Variants in AUTS2 observed in about 807,000 individuals in gnomAD.
The protein encoded by AUTS2 is activator of transcription and developmental regulator AUTS2, also known as autism susceptibility gene 2 protein.
AUTS2 carries 17 observed loss-of-function variants against 112.4 expected under a neutral mutation model. That is an observed-to-expected ratio of 0.15 (90% confidence interval 0.10 to 0.23). The LOEUF (loss-of-function observed/expected upper bound fraction) is 0.23, where lower values mean the gene tolerates loss of function less well. Among genes scored for constraint, AUTS2 ranks in the 10% least tolerant of loss-of-function variants. AUTS2 has a pLI of 1.00. For synonymous variants in AUTS2, 751 were observed against 702.7 expected, an observed-to-expected ratio of 1.07 and a Z score of -1.09; for missense variants, 1,510 against 1,701.6, an observed-to-expected ratio of 0.89 and a Z score of 1.98.
At chr7:69,794,989 G>A (rs554779833) in intron 1 of AUTS2, among the ~76,000 whole-genome samples, 2 of 152,084 alleles carry the variant, frequency 1.3e-5, no homozygotes, top group Admixed American at 6.5e-5. Context: ...CACTGGAGCC[G>A]ATCTTCTTGA....
At chr7:70,490,214 C>A (rs887428493) in intron 5 of AUTS2, among the ~76,000 whole-genome samples, 1 of 151,768 alleles carries the variant, frequency 6.6e-6, no homozygotes, top group Non-Finnish European at 1.5e-5. Context: ...AGTAGAGAAA[C>A]CAAAGCCAAA....
intron 4 of AUTS2, among the ~76,000 whole-genome samples, chr7:70,245,144 G>GTGTATATATATATATATATATA (rs1233136341): frequency 2.6e-4 from 28 of 108,962 alleles, no homozygotes; most frequent in African/African-American, 1.2e-3. Context: ...GTGTGTGTGT[G>GTGTATATATATATATATATATA]TATATATATA....
At chr7:70,746,233 G>C (rs537126054) in intron 6 of AUTS2, among the ~76,000 whole-genome samples, 3 of 152,188 alleles carry the variant, frequency 2.0e-5, no homozygotes, top group Admixed American at 6.5e-5. Context: ...TGCCACTTCC[G>C]CCTCCCGGTT....
chr7:70,276,504 G>A (rs1188644854), intron 4 of AUTS2, among the ~76,000 whole-genome samples: 1 of 151,116 alleles, frequency 6.6e-6, no homozygotes, highest in African/African-American at 2.4e-5. Context: ...TCAGCCTCCC[G>A]AGTAGCTGGG....
intron 4 of AUTS2, among the ~76,000 whole-genome samples, chr7:70,158,687 C>G (rs1211069616): frequency 2.0e-5 from 3 of 152,016 alleles, no homozygotes; most frequent in Non-Finnish European, 2.9e-5. Flanking sequence ...GAGAAGCAGC[C>G]TGGACCTCTG....
At chr7:70,425,201 T>C (rs1359837642) in intron 4 of AUTS2, among the ~76,000 whole-genome samples, 1 of 152,206 alleles carries the variant, frequency 6.6e-6, no homozygotes, top group East Asian at 1.9e-4. Context: ...CTTCATTACC[T>C]GGGGAAAAAG....
chr7:70,235,058 G>T (rs1039859973), intron 4 of AUTS2, among the ~76,000 whole-genome samples: 4 of 152,114 alleles, frequency 2.6e-5, no homozygotes, highest in African/African-American at 9.7e-5. Flanking sequence ...GTATTATAAC[G>T]GTTTAATATA....
intron 1 of AUTS2, among the ~76,000 whole-genome samples, chr7:69,836,850 T>TGGA (rs532673931): frequency 3.9e-3 from 594 of 152,318 alleles, no homozygotes; most frequent in South Asian, 7.1e-3. Flanking sequence ...TGTGTGAAGT[T>TGGA]GGAAACTTTA....
intron 14 of AUTS2, among the ~76,000 whole-genome samples, chr7:70,778,915 G>C (rs1007343705): frequency 1.3e-5 from 2 of 152,178 alleles, no homozygotes; most frequent in African/African-American, 4.8e-5. Flanking sequence ...GATGTTGCAC[G>C]TGCCACTTTA....
chr7:70,303,421 CACGCGCGCGCGCGCACAT>C (rs1346468148), intron 4 of AUTS2, among the ~76,000 whole-genome samples: 1 of 134,802 alleles, frequency 7.4e-6, no homozygotes, highest in Non-Finnish European at 1.6e-5. Context: ...CGCACACACA[CACGCGCGCGCGCGCACAT>C]ACACACACAC....
intron 1 of AUTS2, among the ~76,000 whole-genome samples, chr7:69,731,961 G>A (rs1344069954): frequency 2.0e-5 from 3 of 152,118 alleles, no homozygotes; most frequent in Non-Finnish European, 4.4e-5. Flanking sequence ...TAATGCATTA[G>A]GAAGCACTTT....
chr7:70,035,761 G>T (rs1389821625), intron 2 of AUTS2, among the ~76,000 whole-genome samples: 1 of 151,992 alleles, frequency 6.6e-6, no homozygotes, highest in Non-Finnish European at 1.5e-5. Context: ...ATAATTTCTT[G>T]TTCCTCCTCA....
At chr7:69,990,728 C>G (rs1458956507) in intron 2 of AUTS2, among the ~76,000 whole-genome samples, 2 of 152,028 alleles carry the variant, frequency 1.3e-5, no homozygotes, top group East Asian at 3.9e-4. Flanking sequence ...GTTGGGTATC[C>G]CTTATCTGAA....
At chr7:69,973,403 T>C (rs1419725438) in intron 2 of AUTS2, among the ~76,000 whole-genome samples, 1 of 152,212 alleles carries the variant, frequency 6.6e-6, no homozygotes, top group African/African-American at 2.4e-5. Context: ...TCCTATCTGA[T>C]ATCTATGCTT....
At chr7:70,584,810 G>A (rs562167066) in intron 5 of AUTS2, among the ~76,000 whole-genome samples, 46 of 152,354 alleles carry the variant, frequency 3.0e-4, no homozygotes, top group Admixed American at 1.4e-3. Context: ...GGCGTGTGCT[G>A]GGGCAGTGAC....
At chr7:69,831,877 A>G (rs1215956071) in intron 1 of AUTS2, among the ~76,000 whole-genome samples, 2 of 152,200 alleles carry the variant, frequency 1.3e-5, no homozygotes, top group Admixed American at 6.5e-5. Flanking sequence ...AATAATTGAA[A>G]GTTACTTGGC....
At chr7:70,517,065 G>A (rs1454870357) in intron 5 of AUTS2, among the ~76,000 whole-genome samples, 1 of 152,174 alleles carries the variant, frequency 6.6e-6, no homozygotes. Flanking sequence ...AGAGATATGA[G>A]AACACACTCA....
chr7:69,935,374 C>T, intron 2 of AUTS2, among the ~76,000 whole-genome samples: 1 of 152,132 alleles, frequency 6.6e-6, no homozygotes, highest in Non-Finnish European at 1.5e-5. Context: ...AATAGGGAAT[C>T]ATCATAGAAT....
intron 4 of AUTS2, among the ~76,000 whole-genome samples, chr7:70,272,818 G>A (rs747761050): frequency 5.3e-5 from 8 of 152,024 alleles, no homozygotes; most frequent in Non-Finnish European, 1.0e-4. Flanking sequence ...TAAAGAAAAC[G>A]TCTCTAGAAA....
Sources: gnomAD v4.1 joint callset for allele counts (sites outside exome capture counted in the v4.1 genomes callset) on GRCh38, gnomAD v4.1.1 for gene constraint, MANE v1.5 for transcripts, NCBI Gene and HGNC (gene_info 2026-07-23, HGNC 2026-07-21) for gene names.